The following KIAA1217 variants were observed in gnomAD, a reference collection of about 807,000 sequenced individuals.
KIAA1217 encodes sickle tail protein homolog.
In KIAA1217, 88 loss-of-function variants were observed where a neutral mutation model predicts 163.9. The ratio of observed to expected loss-of-function variants is 0.54; its 90% confidence interval spans 0.45 to 0.64. The LOEUF (loss-of-function observed/expected upper bound fraction) is 0.64. KIAA1217 is among the 30% of genes least tolerant of loss of function. The pLI is 0.00. For synonymous variants in KIAA1217, 903 were observed against 923.1 expected, an observed-to-expected ratio of 0.98 and a Z score of 0.39; for missense variants, 2,372 against 2,475.0, an observed-to-expected ratio of 0.96 and a Z score of 0.88.
chr10:23,799,552 G>T (rs1259020303), intron 1 of KIAA1217, among the ~76,000 whole-genome samples: 5 of 152,138 alleles, frequency 3.3e-5, no homozygotes, highest in African/African-American at 1.2e-4. Flanking sequence ...ATGGCAAAAT[G>T]CTTCTACCAA....
intron 1 of KIAA1217, among the ~76,000 whole-genome samples, chr10:23,748,461 C>CAAGGAAGGAAGG (rs763422691): frequency 0.022 from 2,906 of 133,582 alleles, 130 homozygotes; most frequent in African/African-American, 0.082. Context: ...AGGAAGGAAG[C>CAAGGAAGGAAGG]AAGGAAGGAA....
chr10:23,931,384 C>T (rs902381290), intron 1 of KIAA1217, among the ~76,000 whole-genome samples: 1 of 152,104 alleles, frequency 6.6e-6, no homozygotes, highest in Non-Finnish European at 1.5e-5. Context: ...CTCACCTATG[C>T]CCTTGCCCTT....
At chr10:24,052,310 A>T (rs1849573879) in intron 2 of KIAA1217, among the ~76,000 whole-genome samples, 1 of 152,172 alleles carries the variant, frequency 6.6e-6, no homozygotes, top group Admixed American at 6.5e-5. Flanking sequence ...TGATAAAGAA[A>T]CTTTCCTTAT....
chr10:23,710,939 A>G (rs1198541756), intron 1 of KIAA1217, among the ~76,000 whole-genome samples: 2 of 152,224 alleles, frequency 1.3e-5, no homozygotes, highest in Non-Finnish European at 2.9e-5. Context: ...GAAAATGAAA[A>G]GAGTGATTTT....
intron 1 of KIAA1217, among the ~76,000 whole-genome samples, chr10:23,782,955 T>C (rs1835324434): frequency 6.6e-6 from 1 of 152,214 alleles, no homozygotes; most frequent in Non-Finnish European, 1.5e-5. Flanking sequence ...CCATTAATTA[T>C]TATGTTAGCT....
At chr10:24,516,819 G>A (rs765397303) in intron 10 of KIAA1217, among the ~76,000 whole-genome samples, 5 of 152,298 alleles carry the variant, frequency 3.3e-5, no homozygotes, top group South Asian at 4.1e-4. Flanking sequence ...GGTATTCACC[G>A]TCTAAGACTA....
At chr10:23,756,090 G>C (rs1833905916) in intron 1 of KIAA1217, among the ~76,000 whole-genome samples, 1 of 151,692 alleles carries the variant, frequency 6.6e-6, no homozygotes, top group Admixed American at 6.6e-5. Context: ...CCAAGTATCT[G>C]GGGCCACAGA....
At chr10:23,915,168 C>T (rs1842585679) in intron 1 of KIAA1217, among the ~76,000 whole-genome samples, 1 of 152,090 alleles carries the variant, frequency 6.6e-6, no homozygotes, top group African/African-American at 2.4e-5. Context: ...AAATGACAAA[C>T]ATGAAATTGC....
At chr10:23,704,170 GTGTATATATATATA>G (rs1836705689) in intron 1 of KIAA1217, among the ~76,000 whole-genome samples, 1 of 54,122 alleles carries the variant, frequency 1.8e-5, no homozygotes, top group South Asian at 6.5e-4. Flanking sequence ...GTGTGTGTGT[GTGTATATATATATA>G]TATATATATA....
At chr10:24,162,410 G>A (rs770612650) in intron 2 of KIAA1217, among the ~76,000 whole-genome samples, 21 of 152,184 alleles carry the variant, frequency 1.4e-4, no homozygotes, top group Non-Finnish European at 2.2e-4. Flanking sequence ...CCTTGAGGAG[G>A]CGTTGTTGGC....
At chr10:23,978,903 G>T (rs546420321) in intron 1 of KIAA1217, among the ~76,000 whole-genome samples, 1 of 152,074 alleles carries the variant, frequency 6.6e-6, no homozygotes. Flanking sequence ...GTTCTCTCTG[G>T]TGGCTCTGTC....
chr10:24,227,047 C>A (rs2070666715), intron 2 of KIAA1217, among the ~76,000 whole-genome samples: 1 of 152,070 alleles, frequency 6.6e-6, no homozygotes, highest in Admixed American at 6.6e-5. Context: ...TATGTGGATT[C>A]TTTTATCTGA....
intron 2 of KIAA1217, among the ~76,000 whole-genome samples, chr10:24,336,802 C>G (rs543302973): frequency 7.9e-5 from 12 of 152,160 alleles, no homozygotes; most frequent in Non-Finnish European, 1.2e-4. Context: ...CAAGATCATT[C>G]CATTGGGAAA....
At chr10:23,992,047 C>T (rs750866095) in intron 1 of KIAA1217, among the ~76,000 whole-genome samples, 139 of 152,232 alleles carry the variant, frequency 9.1e-4, no homozygotes, top group African/African-American at 3.2e-3. Flanking sequence ...CCCCCCAAAA[C>T]GCATCATTTT....
At chr10:24,163,071 A>G (rs954390706) in intron 2 of KIAA1217, among the ~76,000 whole-genome samples, 2 of 152,198 alleles carry the variant, frequency 1.3e-5, no homozygotes, top group Non-Finnish European at 2.9e-5. Flanking sequence ...AACAATGTAG[A>G]AGGGGAGTGT....
At chr10:23,702,053 T>C (rs1021665723) in intron 1 of KIAA1217, among the ~76,000 whole-genome samples, 7 of 152,196 alleles carry the variant, frequency 4.6e-5, no homozygotes, top group African/African-American at 1.7e-4. Flanking sequence ...CTTAGCCTGC[T>C]CCATGACCTT....
chr10:24,219,510 G>A, intron 1 of KIAA1217, 116 bp from the exon 2 acceptor site: 1 of 759,266 alleles, frequency 1.3e-6, no homozygotes, highest in Non-Finnish European at 2.0e-6. Flanking sequence ...AAAGAAAAAA[G>A]ATTTGCGAAG....
chr10:24,521,086 C>T (rs1412207900), intron 11 of KIAA1217, among the ~76,000 whole-genome samples: 1 of 147,022 alleles, frequency 6.8e-6, no homozygotes, highest in Non-Finnish European at 1.5e-5. Context: ...TGGCTCATGC[C>T]ACTTTGGGAG....
chr10:23,741,084 G>A (rs969973307), intron 1 of KIAA1217, among the ~76,000 whole-genome samples: 15 of 152,172 alleles, frequency 9.9e-5, no homozygotes, highest in African/African-American at 3.6e-4. Flanking sequence ...AGTACACATA[G>A]CCGCAATCTG....
Sources: gnomAD v4.1 joint callset for allele counts (sites outside exome capture counted in the v4.1 genomes callset) on GRCh38, gnomAD v4.1.1 for gene constraint, MANE v1.5 for transcripts, NCBI Gene and HGNC (gene_info 2026-07-23, HGNC 2026-07-21) for gene names.